LRCH1: variants seen among roughly 807,000 people sequenced by gnomAD.
LRCH1 encodes the protein leucine-rich repeat and calponin homology domain-containing protein 1.
A neutral mutation model predicts 94.9 loss-of-function variants in LRCH1; 23 were observed. The ratio of observed to expected loss-of-function variants is 0.24; its 90% CI spans 0.17 to 0.34. The LOEUF is 0.34. Ranked by LOEUF, LRCH1 falls within the 10% of genes least tolerant of loss-of-function variation. The pLI, the probability that LRCH1 is intolerant of heterozygous loss-of-function variation, is 1.00. For synonymous variants in LRCH1, 364 were observed against 354.9 expected, an observed-to-expected ratio of 1.03 and a Z score of -0.29; for missense variants, 790 against 945.9, an observed-to-expected ratio of 0.84 and a Z score of 2.16.
At chr13:46,570,404 C>T (rs2050229281) in intron 1 of LRCH1, among the ~76,000 whole-genome samples, 1 of 152,052 alleles carries the variant, frequency 6.6e-6, no homozygotes, top group African/African-American at 2.4e-5. Context: ...ATCAGATCTC[C>T]AAAAAAATTG....
In LRCH1 at chr13:46,711,821, G is replaced by A. The variant is rs770437506; in HGVS notation, c.1558G>A (p.Gly520Arg). The A allele has an allele frequency of 9.9e-6, 16 of 1,613,042 alleles. No individual in the cohort carries two copies. The highest frequency in any genetic ancestry group is 4.5e-5 in the East Asian group (2 of 44,832). The change falls in exon 14 of 20, where the codon GGG becomes AGG. Residue 520 changes from glycine (G) to arginine (R), a missense_variant. Transcript: ENST00000389797. The part of the protein sequence containing the change: ...VQSDLTLQSN[G>R]SQYSPNEIRE... ...AAGTGATCTAACATTACAGAGTAAC[G>A]GGAGCCAGTATTCTCCAAATGAGGT... is the stretch of plus-strand genomic sequence containing the variant.
In LRCH1 at chr13:46,628,663, G is replaced by GA. The variant is rs1168425782; in HGVS notation, c.308-21522dup. Among the ~76,000 whole-genome samples the GA allele has an allele frequency of 1.8e-3, 257 of 144,126 alleles. 3 individuals are homozygous for GA. Among genetic ancestry groups the GA allele is most frequent in the African/African-American group, 5.4e-3 (210 of 39,134 alleles). The allele number at this position is 144,126 out of a possible 152,430, so 94.6% of individuals were successfully genotyped here. A position where few individuals can be genotyped will look rare whatever the true frequency, so the allele number is the denominator to read the frequency against. On this transcript the variant is annotated intron_variant, in intron 1 of 19. Transcript: ENST00000389797. ...CAGAGCGATTCTCTGTCTCAGGGAA[G>GA]AAAAAAAAAAAAAAAACACAAGGCC...
At chr13:46,665,962 A>G (rs1165119200) in intron 2 of LRCH1, among the ~76,000 whole-genome samples, 1 of 152,206 alleles carries the variant, frequency 6.6e-6, no homozygotes, top group Non-Finnish European at 1.5e-5. Context: ...TGGAGAGCAA[A>G]TGGGCTTTTG....
chr13:46,730,924 T>G (rs1194362618), intron 18 of LRCH1, among the ~76,000 whole-genome samples: 1 of 152,232 alleles, frequency 6.6e-6, no homozygotes, highest in Non-Finnish European at 1.5e-5. Flanking sequence ...AATGCTACAT[T>G]GTTTTAGAAA....
chr13:46,729,988 C>T (rs923429539), intron 18 of LRCH1, among the ~76,000 whole-genome samples: 1 of 152,164 alleles, frequency 6.6e-6, no homozygotes, highest in Admixed American at 6.5e-5. Flanking sequence ...GGCTCTCTTC[C>T]TAGGTATCAC....
chr13:46,649,360 T>G (rs2051262963), intron 1 of LRCH1, among the ~76,000 whole-genome samples: 1 of 152,208 alleles, frequency 6.6e-6, no homozygotes, highest in Non-Finnish European at 1.5e-5. Context: ...TTTCTGGAAT[T>G]TGACAATCAT....
chr13:46,553,851 G>T (rs1334915171), intron 1 of LRCH1, 148 bp downstream of exon 1: 1 of 1,467,942 alleles, frequency 6.8e-7, no homozygotes, highest in Admixed American at 2.2e-5. Flanking sequence ...AGGGACTCGC[G>T]TGGGCGCGGA....
In LRCH1 at chr13:46,744,181, C is replaced by G; in HGVS notation, c.*2333C>G. On this transcript the variant is annotated 3_prime_UTR_variant, in exon 20 of 20. Coordinates refer to ENST00000389797, the MANE Select transcript of LRCH1 (RefSeq NM_001164211.2). Reference sequence around the variant, plus strand: ...TAACTGGATGCCTGCGGATGCCTGCCCTTGCAGCTTGACTGGGGATACCTG... The same window carrying G: ...TAACTGGATGCCTGCGGATGCCTGCGCTTGCAGCTTGACTGGGGATACCTG... 5 of 985,326 alleles carry G rather than the reference C, an allele frequency of 5.1e-6. No individual in the cohort carries two copies. The highest frequency in any genetic ancestry group is 6.0e-6 in the Non-Finnish European group (5 of 829,926). The allele number at this position is 985,326 out of a possible 1,614,324, so 61.0% of individuals were successfully genotyped here.
chr13:46,711,870 G>A (rs750687812), intron 14 of LRCH1, 26 bp downstream of exon 14: 8 of 1,580,116 alleles, frequency 5.1e-6, no homozygotes, highest in Non-Finnish European at 7.0e-6. Flanking sequence ...ATTAATGGAA[G>A]GTGAGGTGTT....
chr13:46,731,707 C>G (rs1056399524), intron 18 of LRCH1, among the ~76,000 whole-genome samples: 3 of 152,170 alleles, frequency 2.0e-5, no homozygotes, highest in Non-Finnish European at 4.4e-5. Context: ...GGCCCAGCCA[C>G]GCTGTAGCCG....
chr13:46,592,602 A>T (rs1566163375), intron 1 of LRCH1, among the ~76,000 whole-genome samples: 1 of 152,212 alleles, frequency 6.6e-6, no homozygotes, highest in South Asian at 2.1e-4. Flanking sequence ...GTAAAATGAG[A>T]TTAAATTGGT....
At chr13:46,581,428 A>G (rs2050363648) in intron 1 of LRCH1, among the ~76,000 whole-genome samples, 1 of 152,224 alleles carries the variant, frequency 6.6e-6, no homozygotes, top group South Asian at 2.1e-4. Context: ...TGGGACAGAA[A>G]AGATTCAAAG....
rs750061181 is a variant in LRCH1, at chr13:46,723,253, A to G, written c.1792A>G (p.Ile598Val). Reference protein sequence around the residue: ...FLRPQRNLESIDPQFTIRRKM... With the variant: ...FLRPQRNLESVDPQFTIRRKM... ...AAGACCTCAGAGAAATTTGGAATCT[A>G]TAGACCCGCAGTTTACAATCCGGAG... Residue 598 changes from isoleucine (I) to valine (V), a missense_variant, in exon 17 of 20, where the codon ATA (isoleucine) becomes GTA (valine). Physicochemically the swap from Ile to Val is conservative, Grantham distance 29. Coordinates refer to ENST00000389797, the MANE Select transcript of LRCH1 (RefSeq NM_001164211.2). 6 of 1,613,492 alleles carry G rather than the reference A, an allele frequency of 3.7e-6. No individual in the cohort carries two copies. The Admixed American group carries it at 6.7e-5, about 18-fold the overall frequency.
At chr13:46,603,465 G>A (rs2050653633) in intron 1 of LRCH1, among the ~76,000 whole-genome samples, 1 of 152,156 alleles carries the variant, frequency 6.6e-6, no homozygotes, top group Admixed American at 6.5e-5. Flanking sequence ...AGAATCTAGG[G>A]AGGATTCCTA....
chr13:46,712,011 C>T (rs1357982951), intron 14 of LRCH1, among the ~76,000 whole-genome samples, 167 bp downstream of exon 14: 1 of 152,120 alleles, frequency 6.6e-6, no homozygotes, highest in Admixed American at 6.6e-5. Flanking sequence ...TGGTCCTATT[C>T]GTAATTAAAG....
At chr13:46,624,888 A>T (rs1245982995) in intron 1 of LRCH1, among the ~76,000 whole-genome samples, 2 of 152,244 alleles carry the variant, frequency 1.3e-5, no homozygotes, top group African/African-American at 4.8e-5. Context: ...GAAATTTTGT[A>T]TTAGGCAGAT....
In LRCH1 at chr13:46,711,775, G is replaced by C. The variant is rs1872074872; in HGVS notation, c.1528-16G>C. ...AGTCTAATGGAACATACCATGCTTTGTTCTTCTTTTTTAAGGTGCAAAGTG... is the reference window on the plus strand; with the variant it reads ...AGTCTAATGGAACATACCATGCTTTCTTCTTCTTTTTTAAGGTGCAAAGTG... On this transcript the variant is annotated splice_polypyrimidine_tract_variant and intron_variant, in intron 13 of 19. Coordinates refer to ENST00000389797, the MANE Select transcript of LRCH1 (RefSeq NM_001164211.2). 1.2e-6 allele frequency: 2 copies of C among 1,608,680 alleles called. No individual in the cohort carries two copies. Among genetic ancestry groups the C allele is most frequent in the East Asian group, 4.5e-5 (2 of 44,788 alleles).
intron 11 of LRCH1, among the ~76,000 whole-genome samples, chr13:46,704,359 C>A (rs842389): frequency 0.8 from 121,512 of 151,930 alleles, 48,846 homozygotes; most frequent in African/African-American, 0.9. Context: ...TTAAATTTTT[C>A]AAGTTTACCT....
intron 18 of LRCH1, among the ~76,000 whole-genome samples, chr13:46,731,143 G>A (rs77763154): frequency 5.2e-4 from 46 of 88,316 alleles, no homozygotes; most frequent in Non-Finnish European, 1.0e-3. Flanking sequence ...TTTTTTTTTG[G>A]TAAAATTAAG....
Sources: allele counts gnomAD v4.1 joint callset (sites outside exome capture counted in the v4.1 genomes callset), GRCh38; gene constraint gnomAD v4.1.1; transcripts MANE v1.5; gene names NCBI Gene and HGNC (gene_info 2026-07-23, HGNC 2026-07-21).